Variants in NR2C2 observed in about 807,000 individuals in gnomAD.
The protein encoded by NR2C2 is nuclear receptor subfamily 2 group C member 2, also known as Nuclear hormone receptor TR4.
NR2C2 carries 6 observed loss-of-function variants against 62.9 expected under a neutral mutation model. That is an observed-to-expected ratio of 0.10 (90% CI 0.05 to 0.19). The LOEUF (loss-of-function observed/expected upper bound fraction) is 0.19. Ranked by LOEUF, NR2C2 falls within the 10% of genes least tolerant of loss-of-function variation. The pLI, the probability that NR2C2 is intolerant of heterozygous loss-of-function variation, is 1.00. For missense variants in NR2C2, 479 were observed against 762.7 expected, an observed-to-expected ratio of 0.63 and a Z score of 4.38; for synonymous variants, 272 against 273.8, an observed-to-expected ratio of 0.99 and a Z score of 0.07.
At position 15,038,124 on chromosome 3, in the gene NR2C2, T is replaced by A; in HGVS notation, c.1497T>A (p.Val499=). ...GYEYAYLKAI[V]LFSPDHPGLT... ...AGTATGCATACCTTAAAGCTATAGT[T>A]CTCTTTAGCCCCGGTAAGATATGCG... The change falls in exon 12 of 14, where the codon GTT becomes GTA. Residue 499 remains valine (V), a synonymous_variant. Coordinates refer to ENST00000425241, the MANE Select transcript of NR2C2 (RefSeq NM_001291694.2). 6.2e-7 allele frequency: 1 copy of A among 1,612,800 alleles called. No individual in the cohort carries two copies. The highest frequency in any genetic ancestry group is 8.5e-7 in the Non-Finnish European group (1 of 1,179,558).
chr3:15,029,002 G>A (rs1022861664), intron 8 of NR2C2, among the ~76,000 whole-genome samples: 4 of 151,980 alleles, frequency 2.6e-5, no homozygotes, highest in Non-Finnish European at 5.9e-5. Context: ...AGTGGACAGC[G>A]GTTATTTGTA....
At chr3:14,966,461 C>T (rs1394365190) in intron 1 of NR2C2, among the ~76,000 whole-genome samples, 2 of 152,202 alleles carry the variant, frequency 1.3e-5, no homozygotes, top group Non-Finnish European at 2.9e-5. Flanking sequence ...GTGGCGCCTT[C>T]CTGTGGTCTC....
chr3:15,044,900 T>A lies in NR2C2; in HGVS notation c.*1892T>A, dbSNP rs761649188. 5 of 152,280 alleles carry A rather than the reference T, an allele frequency of 3.3e-5. No individual in the cohort carries two copies. Among genetic ancestry groups the A allele is most frequent in the Non-Finnish European group, 7.3e-5 (5 of 68,052 alleles). 9.4% of individuals were successfully genotyped at this position (152,280 alleles called of 1,614,324 possible). A position where few individuals can be genotyped will look rare whatever the true frequency, so the allele number is the denominator to read the frequency against. ...GGTAAGTGGGAACAGTGTTTCCAAC[T>A]TCTAAATTCTTGTTTGGATTTAATT... On this transcript the variant is annotated 3_prime_UTR_variant, in exon 14 of 14. Transcript: ENST00000425241.
At chr3:15,022,898 A>C (rs2041717325) in intron 5 of NR2C2, among the ~76,000 whole-genome samples, 1 of 152,196 alleles carries the variant, frequency 6.6e-6, no homozygotes, top group Non-Finnish European at 1.5e-5. Context: ...AATAGCATAA[A>C]ATTAATAAAA....
At chr3:15,007,266 T>TA (rs1394673150) in intron 2 of NR2C2, among the ~76,000 whole-genome samples, 2 of 151,894 alleles carry the variant, frequency 1.3e-5, no homozygotes, top group Non-Finnish European at 2.9e-5. Context: ...TAGCTGGGAA[T>TA]ACAGGTGCTC....
At chr3:14,988,082 G>C (rs2040559323) in intron 1 of NR2C2, among the ~76,000 whole-genome samples, 1 of 152,200 alleles carries the variant, frequency 6.6e-6, no homozygotes, top group South Asian at 2.1e-4. Flanking sequence ...TGCACAGATG[G>C]ACAGACAGAT....
intron 1 of NR2C2, among the ~76,000 whole-genome samples, chr3:14,996,864 A>G (rs1054759277): frequency 4.6e-5 from 7 of 152,192 alleles, no homozygotes; most frequent in Non-Finnish European, 1.0e-4. Flanking sequence ...GCCTGGCTAG[A>G]GGGTTAATGA....
At chr3:14,978,635 T>G (rs2040275551) in intron 1 of NR2C2, among the ~76,000 whole-genome samples, 1 of 152,112 alleles carries the variant, frequency 6.6e-6, no homozygotes, top group African/African-American at 2.4e-5. Flanking sequence ...TTGCCAGTCT[T>G]TTTGTCCTTG....
chr3:15,025,825 T>C (rs1281560320), intron 7 of NR2C2: 1 of 152,238 alleles, frequency 6.6e-6, no homozygotes, highest in Non-Finnish European at 1.5e-5. Flanking sequence ...TTCTTCAACT[T>C]CATTTCCTTC....
intron 1 of NR2C2, among the ~76,000 whole-genome samples, chr3:14,989,751 G>C (rs2040613791): frequency 6.6e-6 from 1 of 151,580 alleles, no homozygotes; most frequent in Non-Finnish European, 1.5e-5. Context: ...TGGCCAACAT[G>C]GTGAAACCCC....
intron 1 of NR2C2, among the ~76,000 whole-genome samples, chr3:14,951,458 T>C (rs2039352955): frequency 6.6e-6 from 1 of 152,200 alleles, no homozygotes. Flanking sequence ...ATTGTTATGG[T>C]ATTTTAAAAA....
chr3:15,028,845 A>C, intron 8 of NR2C2, 126 bp downstream of exon 8: 2 of 1,026,420 alleles, frequency 1.9e-6, no homozygotes, highest in Non-Finnish European at 2.8e-6. Flanking sequence ...TGTTACAATG[A>C]CCCTGCTCAT....
At chr3:14,959,357 A>T (rs541730199) in intron 1 of NR2C2, among the ~76,000 whole-genome samples, 2 of 152,318 alleles carry the variant, frequency 1.3e-5, no homozygotes, top group African/African-American at 4.8e-5. Flanking sequence ...TTATATGAGA[A>T]TAGGCTATAT....
chr3:14,986,154 A>G (rs957029126), intron 1 of NR2C2, among the ~76,000 whole-genome samples: 1 of 152,130 alleles, frequency 6.6e-6, no homozygotes, highest in Non-Finnish European at 1.5e-5. Flanking sequence ...GGTGATACTC[A>G]TAGAAAATAA....
intron 2 of NR2C2, among the ~76,000 whole-genome samples, chr3:15,007,271 G>C (rs2041206494): frequency 6.6e-6 from 1 of 151,828 alleles, no homozygotes; most frequent in African/African-American, 2.4e-5. Flanking sequence ...GGGAATACAG[G>C]TGCTCGCCAC....
intron 1 of NR2C2, among the ~76,000 whole-genome samples, chr3:14,983,957 T>A (rs568746722): frequency 1.5e-4 from 23 of 152,282 alleles, no homozygotes; most frequent in African/African-American, 5.3e-4. Context: ...GGCGCGATCT[T>A]GGCTCACTGC....
At chr3:15,029,890 CAAAG>C (rs2041931027) in intron 8 of NR2C2, among the ~76,000 whole-genome samples, 2 of 134,600 alleles carry the variant, frequency 1.5e-5, no homozygotes, top group Admixed American at 7.7e-5. Context: ...GAGAAAGAGA[CAAAG>C]AGAAAAGGAA....
chr3:15,006,197 CCT>C (rs768335033), intron 2 of NR2C2, among the ~76,000 whole-genome samples: 3 of 151,820 alleles, frequency 2.0e-5, no homozygotes, highest in Admixed American at 6.6e-5. Flanking sequence ...ACAGAGAGAC[CCT>C]GTCTCAAAAA....
intron 2 of NR2C2, among the ~76,000 whole-genome samples, chr3:15,006,667 T>A (rs1164117967): frequency 6.6e-6 from 1 of 152,154 alleles, no homozygotes; most frequent in Non-Finnish European, 1.5e-5. Context: ...GTGGGCCTGA[T>A]AGCAGTTCCC....
Sources: gnomAD v4.1 joint callset for allele counts (sites outside exome capture counted in the v4.1 genomes callset) on GRCh38, gnomAD v4.1.1 for gene constraint, MANE v1.5 for transcripts, NCBI Gene and HGNC (gene_info 2026-07-23, HGNC 2026-07-21) for gene names.